Variants in MAGI2 observed in about 807,000 individuals in gnomAD.
The protein encoded by MAGI2 is membrane-associated guanylate kinase, WW and PDZ domain-containing protein 2.
Under a neutral mutation model 133.3 loss-of-function variants are expected in MAGI2, and 35 were observed. The ratio of observed to expected loss-of-function variants is 0.26; its 90% CI spans 0.20 to 0.35. The LOEUF (loss-of-function observed/expected upper bound fraction) is 0.35. Ranked by LOEUF, MAGI2 falls within the 10% of genes least tolerant of loss-of-function variation. MAGI2 has a pLI of 1.00. For missense variants in MAGI2, 1,636 were observed against 1,863.4 expected (o/e 0.88, Z 2.25); for synonymous variants, 729 against 710.6 (o/e 1.03, Z -0.41).
intron 2 of MAGI2, among the ~76,000 whole-genome samples, chr7:78,635,153 C>G (rs1809493014): frequency 1.3e-5 from 2 of 152,150 alleles, no homozygotes; most frequent in African/African-American, 4.8e-5. Flanking sequence ...AATGCATTAT[C>G]TCCCAAATGG....
intron 1 of MAGI2, among the ~76,000 whole-genome samples, chr7:79,173,979 T>C (rs1228090749): frequency 1.3e-5 from 2 of 152,036 alleles, no homozygotes; most frequent in Non-Finnish European, 2.9e-5. Flanking sequence ...CAGGCAGTTT[T>C]TTTTTATTTG....
Position 78,073,539 on chromosome 7 carries a change from T to C in MAGI2, c.3706+5408A>G, listed in dbSNP as rs1814945324. On this transcript the variant is annotated intron_variant, in intron 21 of 21. Transcript: ENST00000354212. ...CAGACTAAAAAGCATGTTCCTATTATATTTTGCTTTATTCTGATTAACTTT... is the reference window on the plus strand; with the variant it reads ...CAGACTAAAAAGCATGTTCCTATTACATTTTGCTTTATTCTGATTAACTTT... 1.3e-5 allele frequency among the ~76,000 whole-genome samples: 2 copies of C among 152,190 alleles called. 1 individual carries two copies. Among genetic ancestry groups the C allele is most frequent in the Non-Finnish European group, 2.9e-5 (2 of 68,038 alleles).
chr7:78,414,065 A>G (rs1039629435), intron 6 of MAGI2, among the ~76,000 whole-genome samples: 1 of 152,044 alleles, frequency 6.6e-6, no homozygotes, highest in Non-Finnish European at 1.5e-5. Flanking sequence ...AATATTAACC[A>G]GAGGTGCAAA....
At chr7:78,066,810 G>C (rs1813879117) in intron 21 of MAGI2, among the ~76,000 whole-genome samples, 1 of 152,212 alleles carries the variant, frequency 6.6e-6, no homozygotes, top group South Asian at 2.1e-4. Flanking sequence ...TGCTCATTGT[G>C]AGGTTAATGT....
intron 1 of MAGI2, among the ~76,000 whole-genome samples, chr7:79,194,902 C>T (rs1827949617): frequency 6.6e-6 from 1 of 151,710 alleles, no homozygotes; most frequent in Non-Finnish European, 1.5e-5. Context: ...TGAGAAATAT[C>T]ATACTAAATT....
chr7:78,883,600 G>A (rs953208802), intron 2 of MAGI2, among the ~76,000 whole-genome samples: 5 of 152,000 alleles, frequency 3.3e-5, no homozygotes, highest in East Asian at 1.9e-4. Flanking sequence ...TGGAGGCATC[G>A]CATTATCCAA....
intron 2 of MAGI2, among the ~76,000 whole-genome samples, chr7:78,656,732 C>T (rs1286465840): frequency 1.3e-5 from 2 of 151,962 alleles, no homozygotes; most frequent in African/African-American, 4.8e-5. Flanking sequence ...AAACATTATA[C>T]ACCTAAATAT....
intron 1 of MAGI2, among the ~76,000 whole-genome samples, chr7:79,407,248 G>A (rs1282620873): frequency 6.6e-6 from 1 of 152,088 alleles, no homozygotes; most frequent in Non-Finnish European, 1.5e-5. Context: ...GGCTAGTAAA[G>A]ATAAATCTTG....
intron 1 of MAGI2, among the ~76,000 whole-genome samples, chr7:79,322,804 A>G (rs914103974): frequency 6.6e-6 from 1 of 151,724 alleles, no homozygotes; most frequent in Admixed American, 6.6e-5. Context: ...GAAAAAGAAA[A>G]AGAAAAAGAA....
chr7:79,028,273 G>GTATATATATATATATATATA (rs1562805388), intron 1 of MAGI2, among the ~76,000 whole-genome samples: 1 of 20,688 alleles, frequency 4.8e-5, no homozygotes, highest in African/African-American at 1.2e-4. Context: ...ATATATGTAT[G>GTATATATATATATATATATA]TATGTATATA....
chr7:78,774,850 T>C (rs1825860143), intron 2 of MAGI2, among the ~76,000 whole-genome samples: 3 of 152,100 alleles, frequency 2.0e-5, no homozygotes, highest in South Asian at 4.2e-4. Context: ...TGGTGACTAA[T>C]TGAATATGAG....
intron 9 of MAGI2, among the ~76,000 whole-genome samples, chr7:78,269,113 C>A (rs900425505): frequency 6.6e-6 from 1 of 152,144 alleles, no homozygotes; most frequent in Non-Finnish European, 1.5e-5. Context: ...AGGACATGAA[C>A]TCACTCTTTT....
At chr7:78,557,464 T>G (rs1325555688) in intron 3 of MAGI2, among the ~76,000 whole-genome samples, 1 of 152,152 alleles carries the variant, frequency 6.6e-6, no homozygotes, top group Non-Finnish European at 1.5e-5. Context: ...TTTTTGGCTA[T>G]TCCCTTCCCC....
intron 2 of MAGI2, among the ~76,000 whole-genome samples, chr7:78,992,352 T>C (rs867117208): frequency 2.0e-5 from 3 of 152,172 alleles, no homozygotes; most frequent in Middle Eastern, 6.8e-3. Flanking sequence ...GCCACTCATG[T>C]GTACATAATA....
chr7:79,171,770 A>ATATATATATTT, intron 1 of MAGI2, among the ~76,000 whole-genome samples: 139 of 31,196 alleles, frequency 4.5e-3, no homozygotes, highest in African/African-American at 8.8e-3. Flanking sequence ...ATATATATAT[A>ATATATATATTT]TTTTTTTTTT....
At chr7:78,203,290 C>T (rs1584377160) in intron 10 of MAGI2, among the ~76,000 whole-genome samples, 1 of 152,266 alleles carries the variant, frequency 6.6e-6, no homozygotes, top group East Asian at 1.9e-4. Context: ...GAAAATAGTT[C>T]CTCTTAATGG....
At chr7:79,106,857 C>G (rs1393963693) in intron 1 of MAGI2, among the ~76,000 whole-genome samples, 2 of 152,200 alleles carry the variant, frequency 1.3e-5, no homozygotes, top group African/African-American at 4.8e-5. Flanking sequence ...TCATACTCTT[C>G]TAGACTTCCA....
At chr7:79,307,448 C>T (rs1339743580) in intron 1 of MAGI2, among the ~76,000 whole-genome samples, 1 of 152,082 alleles carries the variant, frequency 6.6e-6, no homozygotes, top group Non-Finnish European at 1.5e-5. Context: ...GAGGCTTTCC[C>T]TAGAAGGTAA....
chr7:78,465,782 A>C (rs528238276), intron 6 of MAGI2, among the ~76,000 whole-genome samples: 1 of 152,314 alleles, frequency 6.6e-6, no homozygotes, highest in Non-Finnish European at 1.5e-5. Flanking sequence ...TAGCTCCATC[A>C]TCATCCAGTC....
Sources: gnomAD v4.1 joint callset for allele counts (sites outside exome capture counted in the v4.1 genomes callset) on GRCh38, gnomAD v4.1.1 for gene constraint, MANE v1.5 for transcripts, NCBI Gene and HGNC (gene_info 2026-07-23, HGNC 2026-07-21) for gene names.